The following PTK2 variants were observed in gnomAD, a reference collection of about 807,000 sequenced individuals.
PTK2 encodes the protein focal adhesion kinase 1.
PTK2 carries 45 observed loss-of-function variants against 150.1 expected under a neutral mutation model. The ratio of observed to expected loss-of-function variants is 0.30; its 90% CI spans 0.24 to 0.38. The LOEUF is 0.38. Among genes scored for constraint, PTK2 ranks in the 10% least tolerant of loss-of-function variants. The pLI is 1.00. For synonymous variants in PTK2, 432 were observed against 449.2 expected (o/e 0.96, Z 0.48); for missense variants, 919 against 1,307.3 (o/e 0.70, Z 4.58).
At chr8:140,776,013 T>G (rs2100078200) in intron 14 of PTK2, among the ~76,000 whole-genome samples, 1 of 152,198 alleles carries the variant, frequency 6.6e-6, no homozygotes, top group Non-Finnish European at 1.5e-5. Flanking sequence ...ATTATTATTA[T>G]TATTCTCATT....
chr8:140,820,095 TTTTTTTTTTTTTTTTTTTTTTTTA>T lies in PTK2; in HGVS notation c.649-1099_649-1076del, dbSNP rs1307618233. 1.0e-3 allele frequency among the ~76,000 whole-genome samples: 85 copies of T among 84,530 alleles called. 1 individual carries two copies. Among genetic ancestry groups the T allele is most frequent in the South Asian group, 7.8e-3 (16 of 2,056 alleles). The allele number at this position is 84,530 out of a possible 152,430, so 55.5% of individuals were successfully genotyped here. On this transcript the variant is annotated intron_variant, in intron 8 of 31. Transcript: ENST00000522684. ...ACTTTGGTTTTTTTTTTTTTTTTTT[TTTTTTTTTTTTTTTTTTTTTTTTA>T]AATAGGGTCTCACTCTGTCGCCCAG...
intron 1 of PTK2, among the ~76,000 whole-genome samples, chr8:140,946,789 C>T (rs1337941502): frequency 1.3e-5 from 2 of 152,094 alleles, no homozygotes; most frequent in African/African-American, 2.4e-5. Context: ...TTTTTATTAT[C>T]TGCTTCCCTA....
At position 140,871,597 on chromosome 8, in the gene PTK2, G is replaced by C. The variant is rs111923647; in HGVS notation, c.363-7198C>G. On this transcript the variant is annotated intron_variant, in intron 4 of 31. Transcript: ENST00000522684. ...GAGGACTGCTTCAGCCCAGGAGCTT[G>C]AGATCAGCCTGGGTAACATATCAAG... 5.3e-3 allele frequency among the ~76,000 whole-genome samples: 814 copies of C among 152,318 alleles called. 9 individuals are homozygous for C. Among genetic ancestry groups the C allele is most frequent in the African/African-American group, 0.018 (743 of 41,576 alleles).
chr8:140,928,259 A>T (rs910103723), intron 1 of PTK2, among the ~76,000 whole-genome samples: 17 of 152,092 alleles, frequency 1.1e-4, no homozygotes, highest in African/African-American at 3.6e-4. Flanking sequence ...GTTAAAACCA[A>T]CCTAACACCC....
intron 22 of PTK2, among the ~76,000 whole-genome samples, chr8:140,722,693 G>A (rs2100043648): frequency 6.6e-6 from 1 of 152,068 alleles, no homozygotes; most frequent in East Asian, 1.9e-4. Context: ...CCTGGTTAGT[G>A]GTTTTACAGT....
intron 14 of PTK2, among the ~76,000 whole-genome samples, chr8:140,786,066 A>G (rs1169957477): frequency 6.6e-6 from 1 of 152,142 alleles, no homozygotes; most frequent in Non-Finnish European, 1.5e-5. Context: ...TTTCTAGCAG[A>G]CTCCAGTATC....
At chr8:140,960,469 C>T (rs2100182757) in intron 1 of PTK2, among the ~76,000 whole-genome samples, 1 of 151,970 alleles carries the variant, frequency 6.6e-6, no homozygotes, top group Non-Finnish European at 1.5e-5. Context: ...CTCGGCCTCC[C>T]AGTGTTGGGA....
chr8:140,782,398 C>A (rs888796178), intron 14 of PTK2, among the ~76,000 whole-genome samples: 21 of 151,924 alleles, frequency 1.4e-4, no homozygotes, highest in African/African-American at 5.1e-4. Context: ...GCACACGCCT[C>A]CACGCCTGGC....
chr8:140,935,906 C>A (rs1347712124), intron 1 of PTK2, among the ~76,000 whole-genome samples: 1 of 151,954 alleles, frequency 6.6e-6, no homozygotes, highest in Non-Finnish European at 1.5e-5. Context: ...CTCAACCTCC[C>A]AAAGTGCTGG....
At chr8:140,794,161 G>A (rs760294714) in intron 12 of PTK2, among the ~76,000 whole-genome samples, 12 of 152,176 alleles carry the variant, frequency 7.9e-5, no homozygotes, top group Admixed American at 2.0e-4. Context: ...AATTATTTCA[G>A]AATAATCTTC....
At position 141,000,127 on chromosome 8, in the gene PTK2, C is replaced by CACACACACACACACACACACACA. The variant is rs58481152; in HGVS notation, c.-122+997_-122+998insTGTGTGTGTGTGTGTGTGTGTGT. On this transcript the variant is annotated intron_variant, in intron 1 of 31. Transcript: ENST00000522684. ...CACACACACACACACACACACACAC[C>CACACACACACACACACACACACA]CCTTCTTCTAAGAAAGAACAGGATG... 7.3e-3 allele frequency among the ~76,000 whole-genome samples: 902 copies of CACACACACACACACACACACACA among 123,748 alleles called. 34 individuals carry two copies. The highest frequency in any genetic ancestry group is 0.01 in the African/African-American group (351 of 35,038). 81.2% of individuals were successfully genotyped at this position (123,748 alleles called of 152,430 possible).
intron 17 of PTK2, among the ~76,000 whole-genome samples, chr8:140,747,450 G>T (rs2100059691): frequency 2.0e-5 from 1 of 51,232 alleles, no homozygotes; most frequent in Non-Finnish European, 4.0e-5. Flanking sequence ...AAAGGGGGGG[G>T]GAAGAGGAGG....
intron 27 of PTK2, among the ~76,000 whole-genome samples, chr8:140,679,456 G>A (rs965663010): frequency 5.3e-5 from 8 of 152,132 alleles, no homozygotes; most frequent in East Asian, 1.9e-4. Context: ...GTGTGCTCAC[G>A]TACAACCTGC....
rs966798961 is a variant in PTK2, at chr8:140,662,864, ATACTC to A, written c.2946+2048_2946+2052del. ...GATATCCCTCAATCCAACTTTAAGA[ATACTC>A]TATAAAATCACTGAGCCTATGTTTG... On this transcript the variant is annotated intron_variant, in intron 31 of 31. Coordinates refer to ENST00000522684, the Ensembl canonical transcript of PTK2. 4 of 432,400 alleles carry A rather than the reference ATACTC, an allele frequency of 9.3e-6. No individual in the cohort carries two copies. The Admixed American group carries it at 1.1e-4, about 12-fold the overall frequency. 26.8% of individuals were successfully genotyped at this position (432,400 alleles called of 1,614,324 possible).
At chr8:140,821,858 A>C (rs2100108807) in intron 8 of PTK2, 1 of 152,364 alleles carries the variant, frequency 6.6e-6, no homozygotes, top group Non-Finnish European at 1.5e-5. Flanking sequence ...AATGGGTTCA[A>C]GGTTAGCAAG....
chr8:140,679,863 G>C (rs2100016062), intron 27 of PTK2, among the ~76,000 whole-genome samples: 3 of 152,184 alleles, frequency 2.0e-5, no homozygotes. Flanking sequence ...AAGTGTTAAA[G>C]CTGGAGTGTT....
chr8:140,794,078 T>C (rs1242221833), intron 12 of PTK2, among the ~76,000 whole-genome samples: 2 of 152,236 alleles, frequency 1.3e-5, no homozygotes, highest in African/African-American at 2.4e-5. Flanking sequence ...GAGCCCTCCC[T>C]GGTTTAACCT....
At chr8:140,863,642 C>T (rs1327209731) in intron 5 of PTK2, among the ~76,000 whole-genome samples, 1 of 152,184 alleles carries the variant, frequency 6.6e-6, no homozygotes, top group Non-Finnish European at 1.5e-5. Flanking sequence ...CAAATCTATA[C>T]TGGGTCAGCA....
intron 2 of PTK2, among the ~76,000 whole-genome samples, chr8:140,898,107 C>T (rs1280074786): frequency 6.6e-6 from 1 of 152,022 alleles, no homozygotes; most frequent in African/African-American, 2.4e-5. Context: ...TATCACAGAC[C>T]AATACTTTTG....
Sources: gnomAD v4.1 joint callset for allele counts (sites outside exome capture counted in the v4.1 genomes callset) on GRCh38, gnomAD v4.1.1 for gene constraint, MANE v1.5 for transcripts, NCBI Gene and HGNC (gene_info 2026-07-23, HGNC 2026-07-21) for gene names.